ACTA2: variants seen among roughly 807,000 people sequenced by gnomAD.
The protein encoded by ACTA2 is actin alpha 2, smooth muscle.
ACTA2 carries 12 observed loss-of-function variants against 39.5 expected under a neutral mutation model. The observed-to-expected ratio is 0.30, with a 90% CI of 0.19 to 0.49. ACTA2 has a LOEUF of 0.49. ACTA2 is among the 20% of genes least tolerant of loss of function. ACTA2 has a pLI of 0.99. For missense variants in ACTA2, 236 were observed against 498.8 expected (o/e 0.47, Z 5.02); for synonymous variants, 158 against 180.6 (o/e 0.88, Z 1.00).
At chr10:88,968,012 T>TC (rs957617095) in intron 1 of ACTA2, among the ~76,000 whole-genome samples, 1 of 152,212 alleles carries the variant, frequency 6.6e-6, no homozygotes, top group African/African-American at 2.4e-5. Flanking sequence ...CTTTTTTTTT[T>TC]CTGTAACATA....
intron 6 of ACTA2, 52 bp downstream of exon 6, chr10:88,941,177 T>C (rs1845840522): frequency 3.1e-6 from 5 of 1,610,032 alleles, no homozygotes; most frequent in Non-Finnish European, 4.2e-6. Context: ...GTCCTGGAAG[T>C]TACTGAGCAA....
chr10:88,974,279 C>T (rs181510304), intron 1 of ACTA2: 1 of 151,790 alleles, frequency 6.6e-6, no homozygotes, highest in East Asian at 1.9e-4. Flanking sequence ...CTCTCAAGGA[C>T]TCAATTTGGT....
chr10:88,984,097 ATTCTAGTTCTGTTTATAAG>A (rs1846800229), intron 1 of ACTA2, among the ~76,000 whole-genome samples: 2 of 152,166 alleles, frequency 1.3e-5, no homozygotes, highest in African/African-American at 4.8e-5. Context: ...TCACAGAGCT[ATTCTAGTTCTGTTTATAAG>A]TAGTGTTCTT....
Position 88,943,553 on chromosome 10 carries a change from GC to G in ACTA2, c.369+243del, listed in dbSNP as rs1354415535. ...CCTTAGACATTATAACTTAAACGTG[GC>G]CCCTTCTCAGTGAAATCTTTTAAAT... is the stretch of plus-strand genomic sequence containing the variant. On this transcript the variant is annotated intron_variant, in intron 4 of 8. Transcript: ENST00000224784. The G allele has an allele frequency of 5.5e-6, 3 of 545,524 alleles. No homozygotes were observed. In the African/African-American group the frequency reaches 5.7e-5, roughly 10 times the overall value. 33.8% of individuals were successfully genotyped at this position (545,524 alleles called of 1,614,324 possible). A position where few individuals can be genotyped will look rare whatever the true frequency, so the allele number is the denominator to read the frequency against.
At chr10:88,963,414 G>A (rs2902337) in intron 1 of ACTA2, among the ~76,000 whole-genome samples, 6 of 77,848 alleles carry the variant, frequency 7.7e-5, no homozygotes, top group African/African-American at 1.8e-4. Flanking sequence ...TTTCTTACTC[G>A]TCAGGAGTAA....
chr10:88,973,007 A>G (rs1052057518), intron 1 of ACTA2, among the ~76,000 whole-genome samples: 1 of 152,246 alleles, frequency 6.6e-6, no homozygotes, highest in Non-Finnish European at 1.5e-5. Flanking sequence ...AGAATACTAA[A>G]GCAAAATTGA....
intron 1 of ACTA2, among the ~76,000 whole-genome samples, chr10:88,951,043 A>G (rs1436683991): frequency 6.6e-6 from 1 of 152,184 alleles, no homozygotes; most frequent in African/African-American, 2.4e-5. Flanking sequence ...GCAAGAATGG[A>G]CATGGGACTC....
intron 6 of ACTA2, chr10:88,940,737 T>G (rs908508984): frequency 4.5e-6 from 1 of 220,146 alleles, no homozygotes. Flanking sequence ...TTACTCTATG[T>G]CAAGTATTCC....
chr10:88,970,553 C>G (rs138062326), intron 1 of ACTA2, among the ~76,000 whole-genome samples: 2 of 152,196 alleles, frequency 1.3e-5, no homozygotes, highest in African/African-American at 4.8e-5. Context: ...GGACATTCAA[C>G]CAGAATACTA....
At chr10:88,978,335 C>T (rs529436126) in intron 1 of ACTA2, among the ~76,000 whole-genome samples, 19 of 150,634 alleles carry the variant, frequency 1.3e-4, no homozygotes, top group African/African-American at 4.6e-4. Flanking sequence ...ACCAGCATGG[C>T]ACATGTATAC....
chr10:88,973,316 G>C (rs771252885), intron 1 of ACTA2: 1 of 1,573,578 alleles, frequency 6.4e-7, no homozygotes, highest in South Asian at 1.2e-5. Context: ...AGCTCTGAGA[G>C]AGACAAGAAG....
At chr10:88,946,728 T>G in intron 3 of ACTA2, 1 of 152,194 alleles carries the variant, frequency 6.6e-6, no homozygotes, top group East Asian at 1.9e-4. Flanking sequence ...TAGGATTTTT[T>G]TTTCTTTTTT....
intron 1 of ACTA2, among the ~76,000 whole-genome samples, chr10:88,950,915 T>G (rs1490432754): frequency 6.6e-6 from 1 of 152,228 alleles, no homozygotes; most frequent in Non-Finnish European, 1.5e-5. Context: ...ATCATCATTA[T>G]TATTACTATC....
At chr10:88,973,128 C>A in intron 1 of ACTA2, 2 of 1,513,796 alleles carry the variant, frequency 1.3e-6, no homozygotes, top group Non-Finnish European at 1.8e-6. Context: ...TTAATTTTTC[C>A]TGGGCCTTGC....
chr10:88,975,926 A>G (rs1344269777), intron 1 of ACTA2, among the ~76,000 whole-genome samples: 1 of 152,120 alleles, frequency 6.6e-6, no homozygotes, highest in Non-Finnish European at 1.5e-5. Context: ...ATAGAAGCCA[A>G]ATTTCTTTCC....
At chr10:88,986,701 A>G (rs1846899060) in intron 1 of ACTA2, among the ~76,000 whole-genome samples, 2 of 152,002 alleles carry the variant, frequency 1.3e-5, no homozygotes, top group East Asian at 1.9e-4. Flanking sequence ...TAGTGCAGGA[A>G]GGAAGTGGTA....
chr10:88,966,005 T>C (rs1401261792), intron 1 of ACTA2, among the ~76,000 whole-genome samples: 1 of 152,184 alleles, frequency 6.6e-6, no homozygotes, highest in African/African-American at 2.4e-5. Flanking sequence ...ACAGAATCAC[T>C]TGGGCAATTT....
chr10:88,974,008 G>A, intron 1 of ACTA2: 1 of 152,318 alleles, frequency 6.6e-6, no homozygotes. Context: ...TACCCTGTTG[G>A]CCAGGGTGGT....
rs911389970 is a variant in ACTA2 at position 88,963,955 on chromosome 10, G to A, written c.-23-15002C>T. 7.2e-5 allele frequency among the ~76,000 whole-genome samples: 11 copies of A among 152,110 alleles called. No individual in the cohort carries two copies. The South Asian group carries it at 1.7e-3, about 23-fold the overall frequency. On this transcript the variant is annotated intron_variant, in intron 1 of 4. Transcript: ENST00000415557. ...CTAAAAGGCTCTTTCCTACTTTGGC[G>A]TCTAATTTTGTATTCCTAGTTTTCC...
Sources: allele counts gnomAD v4.1 joint callset (sites outside exome capture counted in the v4.1 genomes callset), GRCh38; gene constraint gnomAD v4.1.1; transcripts MANE v1.5; gene names NCBI Gene and HGNC (gene_info 2026-07-23, HGNC 2026-07-21).